FAM135B: variants seen among roughly 807,000 people sequenced by gnomAD.
The protein encoded by FAM135B is protein FAM135B.
FAM135B carries 43 observed loss-of-function variants against 127.7 expected under a neutral mutation model. The observed-to-expected ratio is 0.34, with a 90% confidence interval of 0.26 to 0.43. The LOEUF is 0.43. Ranked by LOEUF, FAM135B falls within the 20% of genes least tolerant of loss-of-function variation. The probability of loss-of-function intolerance (pLI) is 1.00; values close to 1 mark genes in which losing one functional copy is unlikely to be tolerated. For synonymous variants in FAM135B, 670 were observed against 665.1 expected, an observed-to-expected ratio of 1.01 and a Z score of -0.11; for missense variants, 1,558 against 1,725.6, an observed-to-expected ratio of 0.90 and a Z score of 1.72.
intron 7 of FAM135B, among the ~76,000 whole-genome samples, chr8:138,218,882 T>C (rs960868625): frequency 6.6e-6 from 1 of 152,022 alleles, no homozygotes; most frequent in African/African-American, 2.4e-5. Context: ...GGAAACTGCT[T>C]ACCAGGCACC....
chr8:138,264,707 A>G (rs1822785468), intron 4 of FAM135B, among the ~76,000 whole-genome samples: 1 of 152,202 alleles, frequency 6.6e-6, no homozygotes, highest in Non-Finnish European at 1.5e-5. Flanking sequence ...TAAGGAATAA[A>G]GAATGAGTGA....
intron 9 of FAM135B, among the ~76,000 whole-genome samples, chr8:138,188,889 A>G (rs1815838102): frequency 6.6e-6 from 1 of 152,154 alleles, no homozygotes; most frequent in Non-Finnish European, 1.5e-5. Flanking sequence ...TCAACCTGGG[A>G]TCCCTCTACC....
At chr8:138,482,747 A>C (rs1814833792) in intron 1 of FAM135B, among the ~76,000 whole-genome samples, 1 of 152,228 alleles carries the variant, frequency 6.6e-6, no homozygotes, top group African/African-American at 2.4e-5. Context: ...AAACTTGACC[A>C]ATGCCAGTAG....
At chr8:138,384,364 T>TTATG (rs1230167798) in intron 1 of FAM135B, among the ~76,000 whole-genome samples, 2 of 151,296 alleles carry the variant, frequency 1.3e-5, no homozygotes, top group East Asian at 3.9e-4. Context: ...ATTTATTTAT[T>TTATG]TATTTATTTA....
chr8:138,387,657 C>T (rs1004391353), intron 1 of FAM135B, among the ~76,000 whole-genome samples: 1 of 152,104 alleles, frequency 6.6e-6, no homozygotes, highest in African/African-American at 2.4e-5. Context: ...AAGTCATAGT[C>T]CCACTTAATC....
intron 4 of FAM135B, among the ~76,000 whole-genome samples, chr8:138,260,137 G>C (rs769563610): frequency 6.6e-6 from 1 of 152,168 alleles, no homozygotes. Flanking sequence ...GTCAGCAGAA[G>C]TTTATTACCC....
At chr8:138,186,756 G>A (rs949470652) in intron 9 of FAM135B, among the ~76,000 whole-genome samples, 2 of 152,204 alleles carry the variant, frequency 1.3e-5, no homozygotes, top group Non-Finnish European at 2.9e-5. Context: ...CGCCCTAGAA[G>A]AGGAAGGCAA....
chr8:138,360,902 A>G (rs1830380680), intron 2 of FAM135B, among the ~76,000 whole-genome samples: 1 of 148,074 alleles, frequency 6.8e-6, no homozygotes, highest in Middle Eastern at 3.3e-3. Context: ...TAGGTCTGAG[A>G]CCAGGGCCAA....
intron 3 of FAM135B, among the ~76,000 whole-genome samples, chr8:138,304,399 CA>C (rs747706654): frequency 5.9e-5 from 9 of 152,184 alleles, no homozygotes; most frequent in Non-Finnish European, 1.0e-4. Flanking sequence ...GTAGAAGAAG[CA>C]CAGAAATGCA....
At chr8:138,385,614 C>A (rs1832150819) in intron 1 of FAM135B, among the ~76,000 whole-genome samples, 1 of 151,964 alleles carries the variant, frequency 6.6e-6, no homozygotes, top group Admixed American at 6.6e-5. Flanking sequence ...AGTTCTAGAC[C>A]AGCCTGGCCA....
At position 138,267,570 on chromosome 8, in the gene FAM135B, G is replaced by GAA. The variant is rs60418620; in HGVS notation, c.158-1730_158-1729dup. Among the ~76,000 whole-genome samples the GAA allele has an allele frequency of 1.7e-3, 190 of 112,872 alleles. 1 individual carries two copies. Among genetic ancestry groups the GAA allele is most frequent in the East Asian group, 5.2e-3 (20 of 3,836 alleles). The allele number at this position is 112,872 out of a possible 152,430, so 74.0% of individuals were successfully genotyped here. A position where few individuals can be genotyped will look rare whatever the true frequency, so the allele number is the denominator to read the frequency against. On this transcript the variant is annotated intron_variant, in intron 3 of 19. Transcript: ENST00000395297. ...TTAGTTTGACTGAAATGGGAGCCAA[G>GAA]AAAAAAAAAAAAAAAACAGCCCAAC...
Position 138,151,720 on chromosome 8 carries a change from A to T in FAM135B, c.2755T>A (p.Ser919Thr), listed in dbSNP as rs745736383. Reference sequence around the variant, plus strand: ...TCAACCTCTGAGATGCCACTGTTGGAAAGAGCTTGCTGACCCACATTCAAG... The same window carrying T: ...TCAACCTCTGAGATGCCACTGTTGGTAAGAGCTTGCTGACCCACATTCAAG... ...KDLNVGQQALSNSGISEVEGL... is the reference protein window; with the variant it reads ...KDLNVGQQALTNSGISEVEGL... Residue 919 changes from serine (S) to threonine (T), a missense_variant, in exon 13 of 20, where the codon TCC becomes ACC. Ser to Thr is a moderately conservative substitution (Grantham distance 58). Coordinates refer to ENST00000395297, the MANE Select transcript of FAM135B (RefSeq NM_015912.4). 12 of 1,614,028 alleles carry T rather than the reference A, an allele frequency of 7.4e-6. No homozygotes were observed. In the African/African-American group the frequency reaches 1.3e-4, roughly 18 times the overall value.
chr8:138,419,258 A>G lies in FAM135B; in HGVS notation c.-19-51256T>C, dbSNP rs7842769. On this transcript the variant is annotated intron_variant, in intron 1 of 19. Coordinates refer to ENST00000395297, the MANE Select transcript of FAM135B (RefSeq NM_015912.4). ...AAACCAACAACAATAAAAAATGACA[A>G]AGAATGGTGTTACATAATGATAAAG... is the stretch of plus-strand genomic sequence containing the variant. Among the ~76,000 whole-genome samples, 965 of 152,306 alleles carry G rather than the reference A, an allele frequency of 6.3e-3. 13 individuals are homozygous for G. Among genetic ancestry groups the G allele is most frequent in the African/African-American group, 0.022 (926 of 41,568 alleles).
chr8:138,451,567 A>G (rs780379910), intron 1 of FAM135B, among the ~76,000 whole-genome samples: 3 of 152,214 alleles, frequency 2.0e-5, no homozygotes, highest in Non-Finnish European at 4.4e-5. Flanking sequence ...AACAAGCTTG[A>G]ATGGTGAAAA....
At chr8:138,362,279 ATATCTTTTTTT>A (rs1830471329) in intron 2 of FAM135B, among the ~76,000 whole-genome samples, 1 of 122,488 alleles carries the variant, frequency 8.2e-6, no homozygotes. Context: ...CCCCACCCCC[ATATCTTTTTTT>A]TTTTTTTTTT....
At chr8:138,305,664 T>C (rs2130865753) in intron 3 of FAM135B, among the ~76,000 whole-genome samples, 1 of 152,326 alleles carries the variant, frequency 6.6e-6, no homozygotes, top group East Asian at 1.9e-4. Flanking sequence ...TTAATTAACA[T>C]TCATCTTTGT....
chr8:138,260,826 T>A (rs1462045800), intron 4 of FAM135B, among the ~76,000 whole-genome samples: 1 of 152,042 alleles, frequency 6.6e-6, no homozygotes, highest in Non-Finnish European at 1.5e-5. Flanking sequence ...GACTGACCTT[T>A]CTAAATGCCA....
At chr8:138,188,632 C>T (rs1815803222) in intron 9 of FAM135B, among the ~76,000 whole-genome samples, 1 of 152,188 alleles carries the variant, frequency 6.6e-6, no homozygotes, top group African/African-American at 2.4e-5. Context: ...GCACACAGGC[C>T]TGTTCACTAT....
rs557429581 is a variant in FAM135B, at chr8:138,260,317, G to A, written c.298-3558C>T. Among the ~76,000 whole-genome samples the A allele has an allele frequency of 4.6e-5, 7 of 152,298 alleles. 1 individual carries two copies. The East Asian group carries it at 1.2e-3, about 25-fold the overall frequency. On this transcript the variant is annotated intron_variant, in intron 4 of 19. Transcript: ENST00000395297. ...GAACTCAGCTTGGAGCCTGTAAGCC[G>A]CTGGGCCCCTCAGCTGGACTGGCAG...
Sources: gnomAD v4.1 joint callset for allele counts (sites outside exome capture counted in the v4.1 genomes callset) on GRCh38, gnomAD v4.1.1 for gene constraint, MANE v1.5 for transcripts, NCBI Gene and HGNC (gene_info 2026-07-23, HGNC 2026-07-21) for gene names.